Variants in MPPED1 observed in about 807,000 individuals in gnomAD.
MPPED1 encodes metallophosphoesterase domain containing 1.
Under a neutral mutation model 36.2 loss-of-function variants are expected in MPPED1, and 16 were observed. The observed-to-expected ratio is 0.44, with a 90% CI of 0.30 to 0.67. The LOEUF is 0.67. Ranked by LOEUF, MPPED1 falls within the 30% of genes least tolerant of loss-of-function variation. The pLI, the probability that MPPED1 is intolerant of heterozygous loss-of-function variation, is 0.10. For synonymous variants in MPPED1, 199 were observed against 191.3 expected (o/e 1.04, Z -0.33); for missense variants, 307 against 453.4 (o/e 0.68, Z 2.93).
chr22:43,421,865 G>C (rs1929285771), intron 1 of MPPED1, among the ~76,000 whole-genome samples: 1 of 152,200 alleles, frequency 6.6e-6, no homozygotes, highest in African/African-American at 2.4e-5. Flanking sequence ...TAGGCTCTGT[G>C]ATCAGCAGCT....
At chr22:43,424,831 C>A in intron 1 of MPPED1, 77 bp from the exon 2 acceptor site, 1 of 1,440,628 alleles carries the variant, frequency 6.9e-7, no homozygotes, top group Non-Finnish European at 9.1e-7. Context: ...CTCCCTCTTT[C>A]TAAATCTTCA....
At position 43,505,548 on chromosome 22, in the gene MPPED1, T is replaced by A; in HGVS notation, c.913T>A (p.Cys305Ser). Reference sequence around the variant, plus strand: ...GACCACCTATGTGAATGCGTCCGTATGCACTGTGAACTACCAGCCCGTGAA... The same window carrying A: ...GACCACCTATGTGAATGCGTCCGTAAGCACTGTGAACTACCAGCCCGTGAA... Reference protein sequence around the residue: ...GTTTYVNASVCTVNYQPVNPP... With the variant: ...GTTTYVNASVSTVNYQPVNPP... The change falls in exon 7 of 7, where the codon TGC (cysteine) becomes AGC (serine). Residue 305 changes from cysteine to serine, a missense_variant. By Grantham distance (112) the Cys-to-Ser change is moderately radical (BLOSUM62 -1). Transcript: ENST00000443721. 1 of 1,612,894 alleles carries A rather than the reference T, an allele frequency of 6.2e-7. No homozygotes were observed. Among genetic ancestry groups the A allele is most frequent in the Non-Finnish European group, 8.5e-7 (1 of 1,179,544 alleles).
intron 3 of MPPED1, among the ~76,000 whole-genome samples, chr22:43,441,153 T>A (rs1930135254): frequency 1.3e-5 from 2 of 152,194 alleles, no homozygotes; most frequent in Admixed American, 1.3e-4. Context: ...TTAGACTAGT[T>A]CTGTCCCAAA....
intron 1 of MPPED1, 34 bp from the exon 2 acceptor site, chr22:43,424,874 T>C: frequency 6.7e-7 from 1 of 1,484,318 alleles, no homozygotes; most frequent in Non-Finnish European, 9.0e-7. Context: ...CCCAAACAGA[T>C]TAACTGTCGC....
In MPPED1 at chr22:43,498,961, C is replaced by A. The variant is rs1602023342; in HGVS notation, c.748+611C>A. Among the ~76,000 whole-genome samples, 3 of 152,268 alleles carry A rather than the reference C, an allele frequency of 2.0e-5. 1 individual carries two copies. The East Asian group carries it at 5.8e-4, about 29-fold the overall frequency. On this transcript the variant is annotated intron_variant, in intron 5 of 6. Coordinates refer to ENST00000443721, the MANE Select transcript of MPPED1 (RefSeq NM_001044370.2). The stretch of plus-strand genomic sequence containing the variant: ...CCCATTCCACCTCCAAACTGCCTCC[C>A]ACTCCCCCTTCTCTTCAAGCTGCTG...
chr22:43,474,828 T>A lies in MPPED1; in HGVS notation c.499T>A (p.Phe167Ile). 2 of 1,614,044 alleles carry A rather than the reference T, an allele frequency of 1.2e-6. No homozygotes were observed. Among genetic ancestry groups the A allele is most frequent in the Non-Finnish European group, 1.7e-6 (2 of 1,179,902 alleles). ...EFMADLIKQDFYYFPSVSKLK... is the reference protein window; with the variant it reads ...EFMADLIKQDIYYFPSVSKLK... ...CATGGCCGACCTCATCAAGCAGGAC[T>A]TTTACTACTTCCCATCTGTGTCGAA... Residue 167 changes from phenylalanine (F) to isoleucine (I), a missense_variant, in exon 4 of 7, where the codon TTT becomes ATT. Phe to Ile is a conservative substitution (Grantham distance 21). This residue lies in a region of MPPED1 where 6 missense variants were observed against 28.8 expected (regional missense o/e 0.21). Coordinates refer to ENST00000443721, the MANE Select transcript of MPPED1 (RefSeq NM_001044370.2). The surrounding 1 kb of genome is among the most constrained non-coding windows in gnomAD (Gnocchi z 5.2).
intron 2 of MPPED1, among the ~76,000 whole-genome samples, chr22:43,431,498 T>C (rs1929687227): frequency 6.6e-6 from 1 of 152,174 alleles, no homozygotes; most frequent in Non-Finnish European, 1.5e-5. Flanking sequence ...TTCAGTAAGA[T>C]TTGTCCATAG....
chr22:43,413,756 T>A (rs995218735), intron 1 of MPPED1, among the ~76,000 whole-genome samples: 1 of 152,230 alleles, frequency 6.6e-6, no homozygotes, highest in African/African-American at 2.4e-5. Flanking sequence ...GTGGAATGGT[T>A]CCATCGATTC....
At chr22:43,446,441 C>T (rs1158865752) in intron 3 of MPPED1, among the ~76,000 whole-genome samples, 4 of 152,012 alleles carry the variant, frequency 2.6e-5, no homozygotes, top group Non-Finnish European at 5.9e-5. Context: ...GGGGAAGGGC[C>T]GGACCCTCTG....
intron 4 of MPPED1, among the ~76,000 whole-genome samples, chr22:43,492,776 C>T (rs982845194): frequency 6.6e-6 from 1 of 152,102 alleles, no homozygotes; most frequent in African/African-American, 2.4e-5. Context: ...CCCTCTTCCT[C>T]AAGGCCCAGA....
Position 43,502,903 on chromosome 22 carries a change from C to A in MPPED1, c.862+146C>A. ...GTAACTGCTAACTGCCATACACACC[C>A]TGGCTGTCAATGAGCTATTGCTAAA... On this transcript the variant is annotated intron_variant, in intron 6 of 6. Transcript: ENST00000443721. The surrounding 1 kb of genome is among the most constrained non-coding windows in gnomAD (Gnocchi z 5.5). 1 of 693,086 alleles carries A rather than the reference C, an allele frequency of 1.4e-6. No homozygotes were observed. Among genetic ancestry groups the A allele is most frequent in the Non-Finnish European group, 2.6e-6 (1 of 389,032 alleles). The allele number at this position is 693,086 out of a possible 1,614,324, so 42.9% of individuals were successfully genotyped here.
chr22:43,504,891 G>T (rs376149494), intron 6 of MPPED1, among the ~76,000 whole-genome samples: 155 of 150,860 alleles, frequency 1.0e-3, no homozygotes, highest in African/African-American at 3.8e-3. Context: ...GTGATGATAA[G>T]GGCGGTGATG....
At chr22:43,495,515 G>GTGGAGGTGA (rs1932262994) in intron 4 of MPPED1, among the ~76,000 whole-genome samples, 1 of 127,206 alleles carries the variant, frequency 7.9e-6, no homozygotes, top group African/African-American at 2.9e-5. Flanking sequence ...GGTGGTGGTG[G>GTGGAGGTGA]TGGTGGAGGT....
At chr22:43,487,173 G>A (rs933532304) in intron 4 of MPPED1, among the ~76,000 whole-genome samples, 2 of 152,176 alleles carry the variant, frequency 1.3e-5, no homozygotes, top group African/African-American at 4.8e-5. Flanking sequence ...CCTCAGTCAG[G>A]GTGGAGAGGG....
At chr22:43,501,796 C>G (rs894928161) in intron 5 of MPPED1, among the ~76,000 whole-genome samples, 1 of 152,066 alleles carries the variant, frequency 6.6e-6, no homozygotes, top group African/African-American at 2.4e-5. Context: ...CATTCCTGGT[C>G]TCTTTTCTCT....
In MPPED1 at chr22:43,413,329, C is replaced by T. The variant is rs541738532; in HGVS notation, c.-79+1171C>T. ...AGCAGGGATCTGCGGCGCCGGGGGGCGGGGGCGGGTCAGGCAGACAGGCAC... is the reference window on the plus strand; with the variant it reads ...AGCAGGGATCTGCGGCGCCGGGGGGTGGGGGCGGGTCAGGCAGACAGGCAC... On this transcript the variant is annotated intron_variant, in intron 1 of 6. Transcript: ENST00000443721. 9.9e-3 allele frequency among the ~76,000 whole-genome samples: 794 copies of T among 80,360 alleles called. 4 individuals carry two copies. Among genetic ancestry groups the T allele is most frequent in the Middle Eastern group, 0.016 (2 of 128 alleles). 52.7% of individuals were successfully genotyped at this position (80,360 alleles called of 152,430 possible). A position where few individuals can be genotyped will look rare whatever the true frequency, so the allele number is the denominator to read the frequency against.
At position 43,498,491 on chromosome 22, in the gene MPPED1, G is replaced by A. The variant is rs369850278; in HGVS notation, c.748+141G>A. 374 of 602,072 alleles carry A rather than the reference G, an allele frequency of 6.2e-4. No individual in the cohort carries two copies. In the African/African-American group the frequency reaches 6.6e-3, roughly 11 times the overall value. 37.3% of individuals were successfully genotyped at this position (602,072 alleles called of 1,614,324 possible). A position where few individuals can be genotyped will look rare whatever the true frequency, so the allele number is the denominator to read the frequency against. ...CTTGCTGGGGCACTGAGGACACGTC[G>A]CCCCATGGTCCCTCTTATTTCCTGA... On this transcript the variant is annotated intron_variant, in intron 5 of 6. Coordinates refer to ENST00000443721, the MANE Select transcript of MPPED1 (RefSeq NM_001044370.2).
chr22:43,479,291 A>T (rs1396444305), intron 4 of MPPED1, among the ~76,000 whole-genome samples: 1 of 152,250 alleles, frequency 6.6e-6, no homozygotes, highest in Non-Finnish European at 1.5e-5. Context: ...CATTCCCTCC[A>T]GCTTTAGAAG....
chr22:43,439,794 C>T (rs1930085440), intron 3 of MPPED1, among the ~76,000 whole-genome samples: 1 of 152,210 alleles, frequency 6.6e-6, no homozygotes, highest in African/African-American at 2.4e-5. Flanking sequence ...CCAGCAGCAC[C>T]ATTTCCCTCC....
Sources: allele counts gnomAD v4.1 joint callset (sites outside exome capture counted in the v4.1 genomes callset), GRCh38; gene constraint gnomAD v4.1.1; regional missense constraint gnomAD v4.1.1; non-coding constraint Gnocchi (gnomAD v3.1); transcripts MANE v1.5; gene names NCBI Gene and HGNC (gene_info 2026-07-23, HGNC 2026-07-21).